Variants in GRM5 observed in about 807,000 individuals in gnomAD.
GRM5 encodes the protein glutamate metabotropic receptor 5, also known as metabotropic glutamate receptor 5.
Under a neutral mutation model 83.1 loss-of-function variants are expected in GRM5, and 19 were observed. The observed-to-expected ratio is 0.23, with a 90% CI of 0.16 to 0.34. The LOEUF is 0.34. Among genes scored for constraint, GRM5 ranks in the 10% least tolerant of loss-of-function variants. GRM5 has a pLI of 1.00. For synonymous variants in GRM5, 675 were observed against 633.6 expected (o/e 1.07, Z -0.98); for missense variants, 1,160 against 1,588.3 (o/e 0.73, Z 4.58).
intron 2 of GRM5, among the ~76,000 whole-genome samples, chr11:89,002,411 TA>T (rs997229473): frequency 2.0e-5 from 3 of 151,954 alleles, no homozygotes; most frequent in South Asian, 2.1e-4. Flanking sequence ...TCTGGCTTCC[TA>T]AAAAAAACTC....
At chr11:88,895,657 T>A in intron 2 of GRM5, among the ~76,000 whole-genome samples, 1 of 151,994 alleles carries the variant, frequency 6.6e-6, no homozygotes, top group East Asian at 1.9e-4. Flanking sequence ...GTCCACCATA[T>A]AATTATCACT....
At chr11:88,757,174 A>C (rs541704258) in intron 3 of GRM5, among the ~76,000 whole-genome samples, 1 of 152,182 alleles carries the variant, frequency 6.6e-6, no homozygotes, top group Non-Finnish European at 1.5e-5. Context: ...CCGATCTGTC[A>C]AATGAGAATT....
At chr11:88,638,741 T>C (rs1939209515) in intron 4 of GRM5, among the ~76,000 whole-genome samples, 1 of 152,126 alleles carries the variant, frequency 6.6e-6, no homozygotes, top group Non-Finnish European at 1.5e-5. Flanking sequence ...TTTTTTTCAT[T>C]TTATCTAAAT....
chr11:88,990,942 A>C (rs1187142941), intron 2 of GRM5, among the ~76,000 whole-genome samples: 3 of 152,324 alleles, frequency 2.0e-5, no homozygotes, highest in African/African-American at 7.2e-5. Flanking sequence ...ATTCCCTTTG[A>C]AAACTGGCAC....
chr11:89,039,254 G>A lies in GRM5; in HGVS notation c.661+7958C>T, dbSNP rs560084935. 2.8e-4 allele frequency among the ~76,000 whole-genome samples: 37 copies of A among 130,664 alleles called. 1 individual carries two copies. The East Asian group carries it at 7.9e-3, about 28-fold the overall frequency. 85.7% of individuals were successfully genotyped at this position (130,664 alleles called of 152,430 possible). A position where few individuals can be genotyped will look rare whatever the true frequency, so the allele number is the denominator to read the frequency against. ...CACTCCAGCCTGGGCGACAAACTGAGACTCCGTTTCAAAATAAAAAAAAAA... is the reference window on the plus strand; with the variant it reads ...CACTCCAGCCTGGGCGACAAACTGAAACTCCGTTTCAAAATAAAAAAAAAA... On this transcript the variant is annotated intron_variant, in intron 2 of 9. Transcript: ENST00000305447.
At chr11:88,617,279 G>GAAT (rs1938509806) in intron 4 of GRM5, among the ~76,000 whole-genome samples, 1 of 152,134 alleles carries the variant, frequency 6.6e-6, no homozygotes. Context: ...TTCTCCCACT[G>GAAT]AATACAGCTA....
chr11:88,543,648 T>C (rs1251539666), intron 8 of GRM5, among the ~76,000 whole-genome samples: 126 of 150,102 alleles, frequency 8.4e-4, no homozygotes, highest in African/African-American at 2.8e-3. Flanking sequence ...TTTTTTTTTT[T>C]TGAGGCCTTT....
chr11:88,770,229 A>G (rs1035333376), intron 3 of GRM5, among the ~76,000 whole-genome samples: 1 of 152,100 alleles, frequency 6.6e-6, no homozygotes, highest in African/African-American at 2.4e-5. Context: ...AGGAGTCCAG[A>G]TAACTACATG....
At chr11:88,847,286 G>A (rs1458115835) in intron 3 of GRM5, among the ~76,000 whole-genome samples, 1 of 151,906 alleles carries the variant, frequency 6.6e-6, no homozygotes, top group Non-Finnish European at 1.5e-5. Flanking sequence ...GTATCATAAG[G>A]GCAATAATTA....
intron 3 of GRM5, among the ~76,000 whole-genome samples, chr11:88,796,403 T>A (rs1943274200): frequency 6.6e-6 from 1 of 152,190 alleles, no homozygotes; most frequent in Admixed American, 6.6e-5. Context: ...GCTGAATAAG[T>A]GAATTAAATT....
At chr11:88,920,580 T>C (rs758054797) in intron 2 of GRM5, among the ~76,000 whole-genome samples, 1 of 152,104 alleles carries the variant, frequency 6.6e-6, no homozygotes, top group Admixed American at 6.5e-5. Flanking sequence ...ACTAATTCTA[T>C]GAGGCCAGTA....
chr11:88,879,477 G>A (rs2135571149), intron 2 of GRM5, among the ~76,000 whole-genome samples: 1 of 151,712 alleles, frequency 6.6e-6, no homozygotes, highest in African/African-American at 2.4e-5. Context: ...GTAGAAAAAT[G>A]AATAATGGAC....
chr11:88,777,794 G>C (rs1363979041), intron 3 of GRM5, among the ~76,000 whole-genome samples: 1 of 152,274 alleles, frequency 6.6e-6, no homozygotes, highest in African/African-American at 2.4e-5. Flanking sequence ...TTGCAGAACA[G>C]CAAATATTGC....
At chr11:88,847,117 T>C (rs932713697) in intron 3 of GRM5, among the ~76,000 whole-genome samples, 2 of 152,168 alleles carry the variant, frequency 1.3e-5, no homozygotes, top group African/African-American at 2.4e-5. Flanking sequence ...TTACAAACTA[T>C]TAACTTTTGC....
chr11:88,683,518 A>G (rs1268088009), intron 3 of GRM5, among the ~76,000 whole-genome samples: 2 of 152,252 alleles, frequency 1.3e-5, no homozygotes, highest in Non-Finnish European at 2.9e-5. Context: ...TAAGCTATGC[A>G]TGGAACTTTC....
chr11:88,721,589 A>T (rs1457074996), intron 3 of GRM5, among the ~76,000 whole-genome samples: 2 of 152,126 alleles, frequency 1.3e-5, no homozygotes, highest in African/African-American at 4.8e-5. Context: ...ATTATTCCAA[A>T]CAAGAATAAA....
intron 3 of GRM5, among the ~76,000 whole-genome samples, chr11:88,655,669 C>G (rs199700650): frequency 0.011 from 1,477 of 140,622 alleles, 13 homozygotes; most frequent in East Asian, 0.068. Context: ...TGTACTTTCT[C>G]TGTTTTTTTT....
At chr11:88,771,470 T>G (rs1942735744) in intron 3 of GRM5, among the ~76,000 whole-genome samples, 1 of 152,018 alleles carries the variant, frequency 6.6e-6, no homozygotes, top group African/African-American at 2.4e-5. Flanking sequence ...ACCTGGAGTC[T>G]GATGTTCAAG....
At chr11:88,994,264 C>T (rs1940094385) in intron 2 of GRM5, among the ~76,000 whole-genome samples, 1 of 151,200 alleles carries the variant, frequency 6.6e-6, no homozygotes, top group South Asian at 2.1e-4. Context: ...ATCCTGAGTT[C>T]ATGGATTAGA....
Sources: allele counts gnomAD v4.1 joint callset (sites outside exome capture counted in the v4.1 genomes callset), GRCh38; gene constraint gnomAD v4.1.1; transcripts MANE v1.5; gene names NCBI Gene and HGNC (gene_info 2026-07-23, HGNC 2026-07-21).